CTNND2: variants seen among roughly 807,000 people sequenced by gnomAD.
CTNND2 encodes the protein catenin delta 2, also known as catenin delta-2.
Under a neutral mutation model 144.4 loss-of-function variants are expected in CTNND2, and 22 were observed. The ratio of observed to expected loss-of-function variants is 0.15; its 90% CI spans 0.11 to 0.22. The LOEUF (loss-of-function observed/expected upper bound fraction) is 0.22, where lower values mean the gene tolerates loss of function less well. CTNND2 is among the 10% of genes least tolerant of loss of function. CTNND2 has a pLI of 1.00. For missense variants in CTNND2, 1,353 were observed against 1,618.8 expected (o/e 0.84, Z 2.82); for synonymous variants, 751 against 695.6 (o/e 1.08, Z -1.25).
intron 1 of CTNND2, among the ~76,000 whole-genome samples, chr5:11,853,522 C>T (rs184321409): frequency 8.5e-5 from 13 of 152,284 alleles, no homozygotes; most frequent in African/African-American, 2.6e-4. Flanking sequence ...TCTCAAGTCA[C>T]TGCCCACACC....
chr5:11,283,673 C>CAAAAAAAAAAAAAAAAAAAAA (rs70947250), intron 9 of CTNND2, among the ~76,000 whole-genome samples: 1 of 31,590 alleles, frequency 3.2e-5, no homozygotes, highest in Non-Finnish European at 5.8e-5. Flanking sequence ...GACTCCGTCT[C>CAAAAAAAAAAAAAAAAAAAAA]AAAAAAAAAA....
chr5:11,780,906 G>A (rs1790508911), intron 1 of CTNND2, among the ~76,000 whole-genome samples: 1 of 152,184 alleles, frequency 6.6e-6, no homozygotes, highest in African/African-American at 2.4e-5. Flanking sequence ...TCAGTGTTGG[G>A]TGAAGAATAG....
chr5:11,274,573 G>C (rs1403823769), intron 9 of CTNND2, among the ~76,000 whole-genome samples: 1 of 145,350 alleles, frequency 6.9e-6, no homozygotes, highest in African/African-American at 2.6e-5. Context: ...AGTTGATTTT[G>C]CTTTCGTTTT....
chr5:11,683,672 C>T (rs986466831), intron 2 of CTNND2, among the ~76,000 whole-genome samples: 1 of 152,198 alleles, frequency 6.6e-6, no homozygotes, highest in African/African-American at 2.4e-5. Flanking sequence ...TCTTCTTGAA[C>T]TTTTAAGTGA....
chr5:11,896,537 TAA>T (rs1334992352), intron 1 of CTNND2, among the ~76,000 whole-genome samples: 1 of 152,198 alleles, frequency 6.6e-6, no homozygotes, highest in Non-Finnish European at 1.5e-5. Context: ...TTGTTAACTT[TAA>T]GTCATGCATT....
intron 12 of CTNND2, among the ~76,000 whole-genome samples, chr5:11,133,551 C>T (rs192069248): frequency 6.6e-6 from 1 of 151,906 alleles, no homozygotes; most frequent in African/African-American, 2.4e-5. Context: ...AAGGTTTCTC[C>T]ATGTTGGTCA....
intron 2 of CTNND2, among the ~76,000 whole-genome samples, chr5:11,606,524 G>T (rs73054090): frequency 0.017 from 2,569 of 152,204 alleles, 87 homozygotes; most frequent in African/African-American, 0.059. Flanking sequence ...CATGCTGGAA[G>T]AACATTTGGG....
chr5:11,379,721 T>C (rs1326876276), intron 7 of CTNND2, among the ~76,000 whole-genome samples: 2 of 152,194 alleles, frequency 1.3e-5, no homozygotes, highest in Admixed American at 6.5e-5. Flanking sequence ...GAAGGACTAC[T>C]TCACTGGCTT....
intron 18 of CTNND2, among the ~76,000 whole-genome samples, chr5:11,003,195 A>G (rs1443852963): frequency 6.6e-6 from 1 of 152,108 alleles, no homozygotes; most frequent in Non-Finnish European, 1.5e-5. Context: ...TTTTTTTTTA[A>G]GTGACTTGAG....
intron 16 of CTNND2, among the ~76,000 whole-genome samples, chr5:11,034,385 G>A (rs2149556391): frequency 6.6e-6 from 1 of 152,174 alleles, no homozygotes. Flanking sequence ...TTCACCTTAG[G>A]GAATTCCACA....
At chr5:11,528,828 C>T (rs771054798) in intron 3 of CTNND2, among the ~76,000 whole-genome samples, 1 of 152,254 alleles carries the variant, frequency 6.6e-6, no homozygotes, top group Non-Finnish European at 1.5e-5. Flanking sequence ...CCTGCCCTGA[C>T]CTCAGCAGGC....
intron 2 of CTNND2, among the ~76,000 whole-genome samples, chr5:11,593,927 T>C (rs1397335976): frequency 1.3e-5 from 2 of 148,652 alleles, no homozygotes. Flanking sequence ...AATGCCCAAA[T>C]TGGCAAGTAT....
intron 15 of CTNND2, among the ~76,000 whole-genome samples, chr5:11,097,405 T>A (rs1751460538): frequency 6.6e-6 from 1 of 152,172 alleles, no homozygotes; most frequent in African/African-American, 2.4e-5. Flanking sequence ...GGGCAGGGTG[T>A]AGAAAAGGGC....
chr5:10,990,028 A>G (rs1247346740), intron 19 of CTNND2, among the ~76,000 whole-genome samples: 1 of 152,226 alleles, frequency 6.6e-6, no homozygotes, highest in East Asian at 1.9e-4. Flanking sequence ...GCTGGCCAGA[A>G]GTCCTGGGTA....
At chr5:11,217,243 T>C (rs1025187520) in intron 10 of CTNND2, among the ~76,000 whole-genome samples, 1 of 152,242 alleles carries the variant, frequency 6.6e-6, no homozygotes, top group Non-Finnish European at 1.5e-5. Context: ...TCGTTCATTA[T>C]AACTAGCATC....
intron 11 of CTNND2, among the ~76,000 whole-genome samples, chr5:11,170,319 T>C (rs1759771768): frequency 6.6e-6 from 1 of 152,182 alleles, no homozygotes; most frequent in African/African-American, 2.4e-5. Context: ...TTCGCCCAGG[T>C]AATGTAGCTT....
intron 8 of CTNND2, among the ~76,000 whole-genome samples, chr5:11,351,013 G>A (rs1256062882): frequency 6.6e-6 from 1 of 152,108 alleles, no homozygotes; most frequent in African/African-American, 2.4e-5. Context: ...TAAAGATTCA[G>A]GGTCCAAGTC....
At chr5:11,316,467 TTTTATTA>T (rs1042950756) in intron 9 of CTNND2, among the ~76,000 whole-genome samples, 8 of 39,058 alleles carry the variant, frequency 2.0e-4, no homozygotes, top group African/African-American at 3.8e-4. Flanking sequence ...ATCCACTATT[TTTTATTA>T]TTATTATTAT....
chr5:11,328,241 T>C (rs1441157581), intron 9 of CTNND2, among the ~76,000 whole-genome samples: 1 of 152,134 alleles, frequency 6.6e-6, no homozygotes, highest in Non-Finnish European at 1.5e-5. Flanking sequence ...AGCAGATAAA[T>C]GTATATGTGT....
Sources: gnomAD v4.1 joint callset for allele counts (sites outside exome capture counted in the v4.1 genomes callset) on GRCh38, gnomAD v4.1.1 for gene constraint, MANE v1.5 for transcripts, NCBI Gene and HGNC (gene_info 2026-07-23, HGNC 2026-07-21) for gene names.